Variants in CNTNAP2 observed in about 807,000 individuals in gnomAD.
CNTNAP2 encodes contactin-associated protein-like 2.
A neutral mutation model predicts 155.2 loss-of-function variants in CNTNAP2; 98 were observed. The ratio of observed to expected loss-of-function variants is 0.63; its 90% confidence interval spans 0.54 to 0.75. CNTNAP2 has a LOEUF of 0.75. CNTNAP2 is among the 30% of genes least tolerant of loss of function. The pLI, the probability that CNTNAP2 is intolerant of heterozygous loss-of-function variation, is 0.00. For synonymous variants in CNTNAP2, 651 were observed against 631.2 expected (o/e 1.03, Z -0.47); for missense variants, 1,727 against 1,688.1 (o/e 1.02, Z -0.40).
At chr7:146,524,544 A>G (rs1288846849) in intron 1 of CNTNAP2, among the ~76,000 whole-genome samples, 1 of 151,944 alleles carries the variant, frequency 6.6e-6, no homozygotes, top group Non-Finnish European at 1.5e-5. Flanking sequence ...CTTCTGTTTT[A>G]TTTGTTTGTT....
chr7:146,804,826 T>C (rs1802939618), intron 2 of CNTNAP2, among the ~76,000 whole-genome samples: 1 of 152,214 alleles, frequency 6.6e-6, no homozygotes, highest in Non-Finnish European at 1.5e-5. Context: ...GTCTCAATGA[T>C]GTATTCCTCT....
At chr7:146,382,236 G>C (rs192186325) in intron 1 of CNTNAP2, among the ~76,000 whole-genome samples, 1 of 152,144 alleles carries the variant, frequency 6.6e-6, no homozygotes, top group African/African-American at 2.4e-5. Flanking sequence ...ACTTCCAGAC[G>C]TTTGCATCTT....
At chr7:147,681,392 C>A (rs1795946498) in intron 13 of CNTNAP2, among the ~76,000 whole-genome samples, 1 of 151,736 alleles carries the variant, frequency 6.6e-6, no homozygotes, top group Admixed American at 6.6e-5. Flanking sequence ...GGTGTAAGAC[C>A]CCAAATATTA....
At chr7:146,448,859 C>T (rs535115618) in intron 1 of CNTNAP2, among the ~76,000 whole-genome samples, 34 of 152,218 alleles carry the variant, frequency 2.2e-4, no homozygotes, top group African/African-American at 7.7e-4. Context: ...TATCCGTCTG[C>T]TGGATGTAGA....
At chr7:146,774,162 G>A in intron 1 of CNTNAP2, 109 bp from the exon 2 acceptor site, 1 of 787,390 alleles carries the variant, frequency 1.3e-6, no homozygotes, top group Non-Finnish European at 2.2e-6. Context: ...TTGTTTCAAA[G>A]ATACATAAAA....
At chr7:146,884,887 TC>T (rs1795626022) in intron 3 of CNTNAP2, among the ~76,000 whole-genome samples, 2 of 152,192 alleles carry the variant, frequency 1.3e-5, no homozygotes, top group Admixed American at 6.6e-5. Flanking sequence ...AATTTGCTTT[TC>T]TAGCTCCCTT....
intron 3 of CNTNAP2, among the ~76,000 whole-genome samples, chr7:146,864,423 A>G (rs138629110): frequency 3.5e-4 from 54 of 152,340 alleles, no homozygotes; most frequent in African/African-American, 1.3e-3. Flanking sequence ...CTGGAAGGCA[A>G]CTACCTCAAA....
intron 8 of CNTNAP2, among the ~76,000 whole-genome samples, chr7:147,142,695 A>T (rs1363447038): frequency 1.3e-5 from 2 of 152,186 alleles, no homozygotes; most frequent in Non-Finnish European, 2.9e-5. Flanking sequence ...TGGCACATGT[A>T]TACATATGTA....
chr7:146,910,911 CAA>C (rs1414862214), intron 3 of CNTNAP2, among the ~76,000 whole-genome samples: 2 of 151,010 alleles, frequency 1.3e-5, no homozygotes, highest in East Asian at 1.9e-4. Flanking sequence ...ACTCATCTGA[CAA>C]AGAGCTAATA....
At chr7:147,502,931 T>G (rs1031450486) in intron 11 of CNTNAP2, among the ~76,000 whole-genome samples, 1 of 151,992 alleles carries the variant, frequency 6.6e-6, no homozygotes, top group African/African-American at 2.4e-5. Context: ...ATCAGAAGAG[T>G]GTAGAAAAGC....
At chr7:147,085,774 A>T (rs1584829684) in intron 4 of CNTNAP2, 1 of 152,132 alleles carries the variant, frequency 6.6e-6, no homozygotes, top group East Asian at 1.9e-4. Context: ...GTTTCTTCCC[A>T]TTATGCCATT....
chr7:147,457,916 T>G (rs1049050558), intron 10 of CNTNAP2, among the ~76,000 whole-genome samples: 2 of 152,168 alleles, frequency 1.3e-5, no homozygotes, highest in Non-Finnish European at 2.9e-5. Context: ...TGATTAGTTT[T>G]GGGTGGCCAC....
rs569700872 is a variant in CNTNAP2, at chr7:148,028,726, C to T, written c.2383+50737C>T. Reference sequence around the variant, plus strand: ...TCAGGCTTAGCCTTCACTTCACAACCCAGGTTCACATGGGTCCTTCCTGTG... The same window carrying T: ...TCAGGCTTAGCCTTCACTTCACAACTCAGGTTCACATGGGTCCTTCCTGTG... On this transcript the variant is annotated intron_variant, in intron 15 of 23. Transcript: ENST00000361727. Among the ~76,000 whole-genome samples, 36 of 152,270 alleles carry T rather than the reference C, an allele frequency of 2.4e-4. No individual in the cohort carries two copies. The South Asian group carries it at 7.5e-3, about 32-fold the overall frequency.
intron 3 of CNTNAP2, among the ~76,000 whole-genome samples, chr7:146,856,827 A>G (rs971507046): frequency 2.0e-5 from 3 of 152,198 alleles, no homozygotes; most frequent in African/African-American, 7.2e-5. Context: ...ATGTTCTACT[A>G]AAAAGATAAA....
chr7:147,289,809 A>C (rs1055965603), intron 8 of CNTNAP2, among the ~76,000 whole-genome samples: 3 of 152,162 alleles, frequency 2.0e-5, no homozygotes, highest in Non-Finnish European at 4.4e-5. Flanking sequence ...TAAGAGTCTA[A>C]TTGTTTTCTC....
At chr7:146,920,275 A>G (rs960496249) in intron 3 of CNTNAP2, among the ~76,000 whole-genome samples, 81 of 152,144 alleles carry the variant, frequency 5.3e-4, no homozygotes, top group African/African-American at 1.9e-3. Context: ...TTAGTCGATC[A>G]TGGTGGCAGG....
At chr7:147,716,579 G>A (rs1351658786) in intron 13 of CNTNAP2, among the ~76,000 whole-genome samples, 1 of 152,114 alleles carries the variant, frequency 6.6e-6, no homozygotes, top group Non-Finnish European at 1.5e-5. Context: ...AACCAAAAAG[G>A]GAAGATGGAG....
chr7:146,384,280 G>T (rs1022533060), intron 1 of CNTNAP2, among the ~76,000 whole-genome samples: 1 of 152,110 alleles, frequency 6.6e-6, no homozygotes, highest in Admixed American at 6.5e-5. Context: ...TAGAACTTTC[G>T]TTGTACAGAA....
At chr7:147,607,952 C>A (rs1321516936) in intron 12 of CNTNAP2, among the ~76,000 whole-genome samples, 1 of 152,076 alleles carries the variant, frequency 6.6e-6, no homozygotes, top group Non-Finnish European at 1.5e-5. Context: ...ATTTAGATGA[C>A]CCTAGCAGGT....
Sources: gnomAD v4.1 joint callset for allele counts (sites outside exome capture counted in the v4.1 genomes callset) on GRCh38, gnomAD v4.1.1 for gene constraint, MANE v1.5 for transcripts, NCBI Gene and HGNC (gene_info 2026-07-23, HGNC 2026-07-21) for gene names.